Variants in MYO3B observed in about 807,000 individuals in gnomAD.
The protein encoded by MYO3B is myosin-IIIb.
A neutral mutation model predicts 174.6 loss-of-function variants in MYO3B; 156 were observed. The ratio of observed to expected loss-of-function variants is 0.89; its 90% CI spans 0.78 to 1.02. The LOEUF is 1.02. MYO3B is among the 50% of genes least tolerant of loss of function. The pLI is 0.00. For synonymous variants in MYO3B, 563 were observed against 569.1 expected, an observed-to-expected ratio of 0.99 and a Z score of 0.15; for missense variants, 1,632 against 1,639.4, an observed-to-expected ratio of 1.00 and a Z score of 0.08.
intron 7 of MYO3B, among the ~76,000 whole-genome samples, chr2:170,238,570 C>G (rs1450054249): frequency 6.6e-6 from 1 of 152,158 alleles, no homozygotes; most frequent in Non-Finnish European, 1.5e-5. Context: ...TGGCTTCTTC[C>G]TCTGGCTTTC....
chr2:170,182,773 G>A (rs1365477885), intron 1 of MYO3B, among the ~76,000 whole-genome samples: 2 of 151,612 alleles, frequency 1.3e-5, no homozygotes, highest in African/African-American at 4.8e-5. Context: ...ACCACACCCG[G>A]CTAAGTTTTC....
At chr2:170,523,503 G>A (rs1346912521) in intron 30 of MYO3B, among the ~76,000 whole-genome samples, 3 of 152,130 alleles carry the variant, frequency 2.0e-5, no homozygotes, top group Non-Finnish European at 4.4e-5. Context: ...TAAGAAGAGA[G>A]CTGGATTGTG....
intron 32 of MYO3B, among the ~76,000 whole-genome samples, chr2:170,575,820 AG>A (rs999417953): frequency 2.6e-5 from 4 of 152,202 alleles, no homozygotes; most frequent in African/African-American, 7.2e-5. Context: ...TAAAAGAAAA[AG>A]TGTGTCCAAG....
chr2:170,521,796 C>G (rs1688683839), intron 30 of MYO3B, among the ~76,000 whole-genome samples: 1 of 152,172 alleles, frequency 6.6e-6, no homozygotes, highest in Admixed American at 6.5e-5. Flanking sequence ...CAACTGCTGT[C>G]CAGGTCCACT....
At chr2:170,519,148 A>G (rs1004643988) in intron 29 of MYO3B, among the ~76,000 whole-genome samples, 1 of 152,154 alleles carries the variant, frequency 6.6e-6, no homozygotes, top group Non-Finnish European at 1.5e-5. Flanking sequence ...CCGGGACCCA[A>G]ATCACTTGGG....
At chr2:170,265,368 G>A (rs1381785743) in intron 7 of MYO3B, among the ~76,000 whole-genome samples, 1 of 152,174 alleles carries the variant, frequency 6.6e-6, no homozygotes, top group African/African-American at 2.4e-5. Flanking sequence ...TATATAACTT[G>A]GAAAGTAATT....
chr2:170,350,130 T>C (rs1351720647), intron 8 of MYO3B, among the ~76,000 whole-genome samples: 4 of 152,086 alleles, frequency 2.6e-5, no homozygotes, highest in Non-Finnish European at 5.9e-5. Flanking sequence ...GCCTCCCAAG[T>C]AGCTGGGATT....
chr2:170,198,833 T>C (rs1014521790), intron 1 of MYO3B, among the ~76,000 whole-genome samples: 1 of 124,476 alleles, frequency 8.0e-6, no homozygotes, highest in Non-Finnish European at 1.7e-5. Context: ...GGGACAAAGA[T>C]GTTAGACTTA....
intron 32 of MYO3B, among the ~76,000 whole-genome samples, chr2:170,572,260 T>A (rs1474222435): frequency 6.6e-6 from 1 of 151,942 alleles, no homozygotes; most frequent in Non-Finnish European, 1.5e-5. Context: ...AAACCCCGTC[T>A]CTACTAAAAA....
intron 23 of MYO3B, among the ~76,000 whole-genome samples, chr2:170,462,368 T>C (rs979609234): frequency 1.8e-4 from 27 of 152,252 alleles, no homozygotes; most frequent in African/African-American, 6.3e-4. Flanking sequence ...GAACCTGTTT[T>C]CTTTACCCAT....
chr2:170,310,429 G>A (rs990875134), intron 7 of MYO3B, among the ~76,000 whole-genome samples: 4 of 152,092 alleles, frequency 2.6e-5, no homozygotes, highest in Non-Finnish European at 4.4e-5. Context: ...TTGCGAGACC[G>A]AGGCGGGCGG....
At chr2:170,271,066 G>T (rs991649600) in intron 7 of MYO3B, among the ~76,000 whole-genome samples, 1 of 152,094 alleles carries the variant, frequency 6.6e-6, no homozygotes, top group African/African-American at 2.4e-5. Context: ...AATTGGAGCC[G>T]GTAAAGATTG....
intron 9 of MYO3B, among the ~76,000 whole-genome samples, chr2:170,374,461 G>A (rs1322475020): frequency 2.0e-5 from 3 of 152,136 alleles, no homozygotes; most frequent in African/African-American, 7.2e-5. Context: ...GAGCTTGTGG[G>A]CAACTTCGGT....
At chr2:170,602,996 A>G (rs1007356455) in intron 32 of MYO3B, among the ~76,000 whole-genome samples, 9 of 152,208 alleles carry the variant, frequency 5.9e-5, no homozygotes, top group Non-Finnish European at 7.3e-5. Context: ...TGAACCTGGG[A>G]GGCAGAGGTT....
chr2:170,376,709 C>G (rs551252414), intron 9 of MYO3B, among the ~76,000 whole-genome samples: 2 of 151,936 alleles, frequency 1.3e-5, no homozygotes, highest in Non-Finnish European at 2.9e-5. Flanking sequence ...CACTCTTGGA[C>G]GGAGGAGAGG....
chr2:170,641,855 AAGT>A (rs1697977157), intron 32 of MYO3B, among the ~76,000 whole-genome samples: 1 of 20,924 alleles, frequency 4.8e-5, no homozygotes, highest in Non-Finnish European at 7.1e-5. Context: ...CTTTATTGTT[AAGT>A]GGGGGGGGGG....
In MYO3B at chr2:170,324,521, G is replaced by A. The variant is rs564534125; in HGVS notation, c.750-10864G>A. On this transcript the variant is annotated intron_variant, in intron 7 of 34. Transcript: ENST00000408978. ...AGGAGACTGGACTCAGTCAGTTGAC[G>A]ATAGCTTGAAGTTGCCTATTGCAAG... Among the ~76,000 whole-genome samples, 15 of 152,316 alleles carry A rather than the reference G, an allele frequency of 9.8e-5. No individual in the cohort carries two copies. In the South Asian group the frequency reaches 1.9e-3, roughly 19 times the overall value.
chr2:170,421,018 G>A lies in MYO3B; in HGVS notation c.2650+13174G>A, dbSNP rs545570103. Reference sequence around the variant, plus strand: ...AGAATGTAAATTCCATTAGGACAGGGATTTTTGTCCATTTGGTTGGCACCT... The same window carrying A: ...AGAATGTAAATTCCATTAGGACAGGAATTTTTGTCCATTTGGTTGGCACCT... On this transcript the variant is annotated intron_variant, in intron 22 of 34. Transcript: ENST00000408978. Among the ~76,000 whole-genome samples, 3 of 152,244 alleles carry A rather than the reference G, an allele frequency of 2.0e-5. No individual in the cohort carries two copies. The South Asian group carries it at 6.2e-4, about 32-fold the overall frequency.
chr2:170,253,518 G>A (rs780781400), intron 7 of MYO3B, among the ~76,000 whole-genome samples: 1 of 152,174 alleles, frequency 6.6e-6, no homozygotes, highest in African/African-American at 2.4e-5. Context: ...CTGGAGTTCA[G>A]TGGAGACACC....
Sources: allele counts gnomAD v4.1 joint callset (sites outside exome capture counted in the v4.1 genomes callset), GRCh38; gene constraint gnomAD v4.1.1; transcripts MANE v1.5; gene names NCBI Gene and HGNC (gene_info 2026-07-23, HGNC 2026-07-21).